Variants in KHDRBS3 observed in about 807,000 individuals in gnomAD.
The protein encoded by KHDRBS3 is KH RNA binding domain containing, signal transduction associated 3, also known as KH domain-containing, RNA-binding, signal transduction-associated protein 3.
Under a neutral mutation model 45.6 loss-of-function variants are expected in KHDRBS3, and 23 were observed. The ratio of observed to expected loss-of-function variants is 0.50; its 90% CI spans 0.36 to 0.72. The LOEUF (loss-of-function observed/expected upper bound fraction) is 0.72. Among genes scored for constraint, KHDRBS3 ranks in the 30% least tolerant of loss-of-function variants. The pLI is 0.00. For synonymous variants in KHDRBS3, 162 were observed against 156.5 expected (o/e 1.04, Z -0.26); for missense variants, 352 against 424.8 (o/e 0.83, Z 1.51).
chr8:135,639,753 C>G (rs1209986946), intron 7 of KHDRBS3, among the ~76,000 whole-genome samples: 1 of 152,204 alleles, frequency 6.6e-6, no homozygotes, highest in East Asian at 1.9e-4. Flanking sequence ...GGAGAAAGAA[C>G]AGGGTGGTGC....
chr8:135,469,782 C>T (rs976943513), intron 1 of KHDRBS3, among the ~76,000 whole-genome samples: 2 of 152,164 alleles, frequency 1.3e-5, no homozygotes, highest in African/African-American at 2.4e-5. Flanking sequence ...CCGCCTTGGC[C>T]TCCCAAAGTG....
intron 6 of KHDRBS3, among the ~76,000 whole-genome samples, chr8:135,606,596 G>A (rs1451751124): frequency 6.6e-6 from 1 of 152,068 alleles, no homozygotes; most frequent in Non-Finnish European, 1.5e-5. Context: ...TTCAGAGCTG[G>A]GGAGTGGGGC....
At chr8:135,625,427 G>T in intron 7 of KHDRBS3, 1 of 769,952 alleles carries the variant, frequency 1.3e-6, no homozygotes, top group African/African-American at 1.7e-5. Context: ...TGCCCATTGC[G>T]CACACCAGGG....
chr8:135,557,610 G>T, intron 5 of KHDRBS3, 23 bp downstream of exon 5: 2 of 1,583,294 alleles, frequency 1.3e-6, no homozygotes, highest in South Asian at 1.1e-5. Context: ...TTTTTTTTAG[G>T]TTAACATACC....
intron 5 of KHDRBS3, among the ~76,000 whole-genome samples, chr8:135,575,953 T>A (rs1827928687): frequency 6.6e-6 from 1 of 152,212 alleles, no homozygotes; most frequent in African/African-American, 2.4e-5. Context: ...CCTGTCTCCT[T>A]AGGCTGCTCT....
intron 2 of KHDRBS3, among the ~76,000 whole-genome samples, chr8:135,526,462 A>C (rs974230096): frequency 2.0e-5 from 3 of 152,176 alleles, no homozygotes; most frequent in Non-Finnish European, 2.9e-5. Flanking sequence ...CTGAAAAACA[A>C]TATTTCTGCT....
rs2130023257 is a variant in KHDRBS3 at position 135,457,810 on chromosome 8, C to G, written c.-57C>G. 10 of 1,233,264 alleles carry G rather than the reference C, an allele frequency of 8.1e-6. No individual in the cohort carries two copies. Among genetic ancestry groups the G allele is most frequent in the Non-Finnish European group, 1.1e-5 (10 of 910,050 alleles). The allele number at this position is 1,233,264 out of a possible 1,614,324, so 76.4% of individuals were successfully genotyped here. A position where few individuals can be genotyped will look rare whatever the true frequency, so the allele number is the denominator to read the frequency against. On this transcript the variant is annotated 5_prime_UTR_variant, in exon 1 of 9. Transcript: ENST00000355849. This position sits in a 1 kb window ranked among gnomAD's most constrained non-coding sequence, Gnocchi z 4.4. Reference sequence around the variant, plus strand: ...GGGCGCGGGCGGGGTCGGGGGTTGCCGGGCGCCGCCCCCCGTGCGCCTGGA... The same window carrying G: ...GGGCGCGGGCGGGGTCGGGGGTTGCGGGGCGCCGCCCCCCGTGCGCCTGGA...
At chr8:135,495,042 C>T (rs1000045108) in intron 1 of KHDRBS3, among the ~76,000 whole-genome samples, 1 of 152,204 alleles carries the variant, frequency 6.6e-6, no homozygotes, top group East Asian at 1.9e-4. Context: ...CTCCCCTAGT[C>T]GTGCTTGTGA....
At chr8:135,507,095 G>A (rs1301369447) in intron 1 of KHDRBS3, among the ~76,000 whole-genome samples, 1 of 152,044 alleles carries the variant, frequency 6.6e-6, no homozygotes, top group African/African-American at 2.4e-5. Context: ...ATGTATCATG[G>A]ACCTTTGGTG....
At chr8:135,458,109 G>A in intron 1 of KHDRBS3, 155 bp downstream of exon 1, 1 of 1,391,006 alleles carries the variant, frequency 7.2e-7, no homozygotes, top group Non-Finnish European at 9.3e-7. Context: ...GGGGACCTGG[G>A]AGGCTGTGGG....
intron 8 of KHDRBS3, 44 bp from the exon 9 acceptor site, chr8:135,646,949 A>G: frequency 9.6e-7 from 1 of 1,037,634 alleles, no homozygotes; most frequent in South Asian, 1.3e-5. Context: ...AGCCTGTGGG[A>G]TTCATGGCAG....
chr8:135,524,993 T>C (rs1825107689), intron 2 of KHDRBS3, among the ~76,000 whole-genome samples: 1 of 152,208 alleles, frequency 6.6e-6, no homozygotes, highest in Non-Finnish European at 1.5e-5. Flanking sequence ...AATTTCTAAG[T>C]CTTCTAAGTC....
intron 6 of KHDRBS3, among the ~76,000 whole-genome samples, chr8:135,584,376 G>T (rs1487478427): frequency 1.9e-4 from 29 of 152,332 alleles, no homozygotes. Context: ...GCTTTGGGTG[G>T]TATAGTGGGA....
chr8:135,642,502 C>T (rs1431721930), intron 7 of KHDRBS3, among the ~76,000 whole-genome samples: 1 of 152,144 alleles, frequency 6.6e-6, no homozygotes, highest in Non-Finnish European at 1.5e-5. Flanking sequence ...AATTTGAAGA[C>T]CATTTTTTAA....
intron 1 of KHDRBS3, among the ~76,000 whole-genome samples, chr8:135,489,260 T>C (rs1438918675): frequency 3.3e-5 from 5 of 152,186 alleles, no homozygotes; most frequent in African/African-American, 1.2e-4. Flanking sequence ...TTGGTTTTGT[T>C]CTAAATTTAC....
chr8:135,618,319 A>G (rs545746033), intron 7 of KHDRBS3, among the ~76,000 whole-genome samples: 1 of 152,312 alleles, frequency 6.6e-6, no homozygotes, highest in East Asian at 1.9e-4. Context: ...TGATAAATTC[A>G]GTTTCTCAAC....
intron 1 of KHDRBS3, among the ~76,000 whole-genome samples, chr8:135,489,846 A>G (rs1282422623): frequency 6.6e-6 from 1 of 152,202 alleles, no homozygotes; most frequent in Non-Finnish European, 1.5e-5. Flanking sequence ...AGTCTACAGT[A>G]GTGTGCAGTG....
chr8:135,551,501 A>T (rs1381284159), intron 4 of KHDRBS3, among the ~76,000 whole-genome samples: 1 of 152,118 alleles, frequency 6.6e-6, no homozygotes, highest in East Asian at 1.9e-4. Context: ...TTTCCTCCTG[A>T]GATGATTGTG....
At chr8:135,628,557 A>T (rs1037394037) in intron 7 of KHDRBS3, among the ~76,000 whole-genome samples, 2 of 152,204 alleles carry the variant, frequency 1.3e-5, no homozygotes, top group African/African-American at 2.4e-5. Flanking sequence ...GGCTTATAAT[A>T]GGTATTTGAT....
Sources: gnomAD v4.1 joint callset for allele counts (sites outside exome capture counted in the v4.1 genomes callset) on GRCh38, gnomAD v4.1.1 for gene constraint, Gnocchi (gnomAD v3.1) non-coding constraint, MANE v1.5 for transcripts, NCBI Gene and HGNC (gene_info 2026-07-23, HGNC 2026-07-21) for gene names.